ZNF536: variants seen among roughly 807,000 people sequenced by gnomAD.
ZNF536 encodes zinc finger protein 536.
In ZNF536, 13 loss-of-function variants were observed where a neutral mutation model predicts 84.5. The observed-to-expected ratio is 0.15, with a 90% CI of 0.10 to 0.24. The LOEUF is 0.24. ZNF536 is among the 10% of genes least tolerant of loss of function. The pLI, the probability that ZNF536 is intolerant of heterozygous loss-of-function variation, is 1.00. For synonymous variants in ZNF536, 811 were observed against 742.5 expected (o/e 1.09, Z -1.50); for missense variants, 1,536 against 1,747.5 (o/e 0.88, Z 2.16).
At chr19:30,326,454 T>C (rs1219921926) in intron 2 of ZNF536, among the ~76,000 whole-genome samples, 1 of 152,174 alleles carries the variant, frequency 6.6e-6, no homozygotes, top group African/African-American at 2.4e-5. Flanking sequence ...CCTCTTTTTG[T>C]TCGTGGTAGG....
At chr19:30,474,585 T>C (rs902532873) in intron 2 of ZNF536, among the ~76,000 whole-genome samples, 7 of 152,164 alleles carry the variant, frequency 4.6e-5, no homozygotes, top group Non-Finnish European at 8.8e-5. Flanking sequence ...TGATGTGTTG[T>C]CAAGGGAGGA....
intron 1 of ZNF536, among the ~76,000 whole-genome samples, chr19:30,623,473 T>A (rs1052273064): frequency 6.6e-6 from 1 of 152,216 alleles, no homozygotes; most frequent in Non-Finnish European, 1.5e-5. Context: ...TGGCTTTGAG[T>A]CTTGCTATCT....
intron 1 of ZNF536, among the ~76,000 whole-genome samples, chr19:30,674,139 C>T (rs939475215): frequency 3.9e-5 from 6 of 152,158 alleles, no homozygotes; most frequent in East Asian, 1.9e-4. Context: ...CTGAGGCACT[C>T]GGAAATATTA....
chr19:30,565,386 C>T (rs974778921), intron 1 of ZNF536, among the ~76,000 whole-genome samples: 1 of 152,080 alleles, frequency 6.6e-6, no homozygotes. Flanking sequence ...GGACTTGTTC[C>T]GAGCCTTGCC....
At chr19:30,635,746 C>G (rs879847176) in intron 1 of ZNF536, among the ~76,000 whole-genome samples, 1 of 152,214 alleles carries the variant, frequency 6.6e-6, no homozygotes, top group African/African-American at 2.4e-5. Flanking sequence ...AGAGGAGTTC[C>G]GGACTGCCTC....
intron 1 of ZNF536, among the ~76,000 whole-genome samples, chr19:30,384,185 CTCCT>C (rs139525043): frequency 4.2e-4 from 24 of 57,290 alleles, no homozygotes; most frequent in African/African-American, 7.5e-4. Flanking sequence ...TTCTTTCTTT[CTCCT>C]TCCTTCCTTC....
intron 2 of ZNF536, among the ~76,000 whole-genome samples, chr19:30,453,839 C>G (rs1420204192): frequency 6.6e-6 from 1 of 152,232 alleles, no homozygotes; most frequent in East Asian, 1.9e-4. Context: ...GAAAGTTGTC[C>G]AGGGCTTAGC....
chr19:30,326,831 G>T lies in ZNF536; in HGVS notation c.-119-25537G>T, dbSNP rs932332538. ...TTTTTTTTTTTTTGTTTTCTAGTTG[G>T]GCGCAGTAGCCCATGCCTGTAATCC... On this transcript the variant is annotated intron_variant, in intron 2 of 5. Transcript: ENST00000585628. Among the ~76,000 whole-genome samples, 62 of 38,508 alleles carry T rather than the reference G, an allele frequency of 1.6e-3. 1 individual carries two copies. Among genetic ancestry groups the T allele is most frequent in the Non-Finnish European group, 2.4e-3 (50 of 21,010 alleles). 25.3% of individuals were successfully genotyped at this position (38,508 alleles called of 152,430 possible). A position where few individuals can be genotyped will look rare whatever the true frequency, so the allele number is the denominator to read the frequency against.
chr19:30,241,562 A>G (rs1380072185), intron 1 of ZNF536, among the ~76,000 whole-genome samples: 1 of 152,162 alleles, frequency 6.6e-6, no homozygotes, highest in Non-Finnish European at 1.5e-5. Flanking sequence ...AGCCTCTGAG[A>G]CAGGACTGTG....
intron 1 of ZNF536, among the ~76,000 whole-genome samples, chr19:30,590,482 C>T (rs1271539807): frequency 6.6e-6 from 1 of 152,192 alleles, no homozygotes; most frequent in Non-Finnish European, 1.5e-5. Flanking sequence ...CTTTGTCTTT[C>T]CTTTGTTTGG....
At chr19:30,527,479 G>C (rs2044636300) in intron 2 of ZNF536, among the ~76,000 whole-genome samples, 4 of 151,656 alleles carry the variant, frequency 2.6e-5, no homozygotes. Context: ...CTCACAAGTG[G>C]ACATCGTTTT....
intron 1 of ZNF536, among the ~76,000 whole-genome samples, chr19:30,434,838 ATGATAATGATGATGATGG>A (rs909643423): frequency 4.0e-5 from 6 of 150,882 alleles, no homozygotes; most frequent in East Asian, 3.9e-4. Flanking sequence ...GGTGATGGTA[ATGATAATGATGATGATGG>A]TGATAATGAT....
chr19:30,396,820 G>A (rs8113821), intron 1 of ZNF536, among the ~76,000 whole-genome samples: 58,925 of 151,910 alleles, frequency 0.39, 11,907 homozygotes, highest in Middle Eastern at 0.55. Flanking sequence ...GGCCAGGCTC[G>A]TCTCGAACTC....
At chr19:30,540,454 A>G (rs1010874763) in intron 3 of ZNF536, among the ~76,000 whole-genome samples, 1 of 152,170 alleles carries the variant, frequency 6.6e-6, no homozygotes, top group African/African-American at 2.4e-5. Flanking sequence ...AATAACAGTG[A>G]TGGTAGTTCC....
At chr19:30,468,054 C>T (rs1375083757) in intron 2 of ZNF536, among the ~76,000 whole-genome samples, 4 of 152,216 alleles carry the variant, frequency 2.6e-5, no homozygotes, top group Admixed American at 2.0e-4. Context: ...CAGGCACCAG[C>T]GCCCCGTGAA....
intron 1 of ZNF536, among the ~76,000 whole-genome samples, chr19:30,603,882 G>T (rs2146958764): frequency 6.6e-6 from 1 of 152,260 alleles, no homozygotes; most frequent in African/African-American, 2.4e-5. Context: ...CTGAGATCAG[G>T]AGTTCGAGAC....
At chr19:30,452,094 T>C (rs1444700865) in intron 2 of ZNF536, among the ~76,000 whole-genome samples, 1 of 152,134 alleles carries the variant, frequency 6.6e-6, no homozygotes, top group Non-Finnish European at 1.5e-5. Context: ...TGTCCCTTGA[T>C]TGATGGTTTG....
chr19:30,693,239 C>T (rs2051493487), intron 1 of ZNF536, among the ~76,000 whole-genome samples: 1 of 152,178 alleles, frequency 6.6e-6, no homozygotes, highest in African/African-American at 2.4e-5. Flanking sequence ...CTGGATCACA[C>T]CACAAGGTGC....
intron 2 of ZNF536, among the ~76,000 whole-genome samples, chr19:30,458,445 C>CTGTTTTGTTTT (rs1194586226): frequency 8.5e-5 from 8 of 93,682 alleles, no homozygotes; most frequent in South Asian, 3.2e-4. Context: ...CAATTTCCTG[C>CTGTTTTGTTTT]TGTTTTTTTT....
Sources: allele counts gnomAD v4.1 joint callset (sites outside exome capture counted in the v4.1 genomes callset), GRCh38; gene constraint gnomAD v4.1.1; transcripts MANE v1.5; gene names NCBI Gene and HGNC (gene_info 2026-07-23, HGNC 2026-07-21).